Variants in SORT1 observed in about 807,000 individuals in gnomAD.
SORT1 encodes the protein sortilin.
In SORT1, 39 loss-of-function variants were observed where a neutral mutation model predicts 101.7. The ratio of observed to expected loss-of-function variants is 0.38; its 90% CI spans 0.30 to 0.50. The LOEUF is 0.50. Among genes scored for constraint, SORT1 ranks in the 20% least tolerant of loss-of-function variants. SORT1 has a pLI of 0.90. For synonymous variants in SORT1, 396 were observed against 393.7 expected, an observed-to-expected ratio of 1.01 and a Z score of -0.07; for missense variants, 878 against 1,040.4, an observed-to-expected ratio of 0.84 and a Z score of 2.15.
At chr1:109,318,495 T>TGGG (rs1647397577) in intron 15 of SORT1, among the ~76,000 whole-genome samples, 1 of 151,962 alleles carries the variant, frequency 6.6e-6, no homozygotes, top group Admixed American at 6.6e-5. Flanking sequence ...TCAGGCCTGG[T>TGGG]GGGGGTAGGA....
At chr1:109,320,944 C>G (rs1647587057) in intron 15 of SORT1, among the ~76,000 whole-genome samples, 2 of 151,968 alleles carry the variant, frequency 1.3e-5, no homozygotes, top group Non-Finnish European at 2.9e-5. Flanking sequence ...TTGTGAGTAC[C>G]CTTCTCACTC....
intron 3 of SORT1, among the ~76,000 whole-genome samples, chr1:109,365,301 C>T (rs1651005791): frequency 6.6e-6 from 1 of 152,192 alleles, no homozygotes; most frequent in African/African-American, 2.4e-5. Flanking sequence ...ATAGCTACTG[C>T]AGCCTCAACC....
Position 109,345,830 on chromosome 1 carries a change from C to G in SORT1, c.884G>C (p.Ser295Thr). The G allele has an allele frequency of 6.2e-7, 1 of 1,613,624 alleles. No individual in the cohort carries two copies. Among genetic ancestry groups the G allele is most frequent in the Non-Finnish European group, 8.5e-7 (1 of 1,179,574 alleles). Residue 295 changes from serine to threonine, a missense_variant, in exon 8 of 20, where the codon AGC becomes ACC. Ser to Thr is a moderately conservative substitution (Grantham distance 58). Coordinates refer to ENST00000256637, the MANE Select transcript of SORT1 (RefSeq NM_002959.7). Reference protein sequence around the residue: ...ELWRTSDLGKSFKTIGVKIYS... With the variant: ...ELWRTSDLGKTFKTIGVKIYS... ...GATTTTCACACCAATAGTTTTGAAG[C>G]TTTTTCCCAAGTCTGAAGTTCTCCA...
In SORT1 at chr1:109,311,712, T is replaced by A. The variant is rs1481693910; in HGVS notation, c.*2331A>T. The A allele has an allele frequency of 2.0e-5, 3 of 152,224 alleles. No homozygotes were observed. The highest frequency in any genetic ancestry group is 1.3e-4 in the Admixed American group (2 of 15,288). 9.4% of individuals were successfully genotyped at this position (152,224 alleles called of 1,614,324 possible). On this transcript the variant is annotated 3_prime_UTR_variant, in exon 20 of 20. Coordinates refer to ENST00000256637, the MANE Select transcript of SORT1 (RefSeq NM_002959.7). ...AGCCATGAAAGACAGGAAAATACAA[T>A]TTTCTGTTCACCAAGGTGGCAAAAA...
At chr1:109,323,734 G>T (rs975970931) in intron 14 of SORT1, among the ~76,000 whole-genome samples, 3 of 152,192 alleles carry the variant, frequency 2.0e-5, no homozygotes, top group Non-Finnish European at 2.9e-5. Context: ...AAAGACAGTG[G>T]ATTAGGTTTT....
chr1:109,346,415 G>T (rs1268913891), intron 7 of SORT1, among the ~76,000 whole-genome samples: 1 of 151,578 alleles, frequency 6.6e-6, no homozygotes, highest in Admixed American at 6.6e-5. Flanking sequence ...AAAGGTAAGA[G>T]ATTACTTAAT....
At chr1:109,341,254 T>G (rs1012013568) in intron 9 of SORT1, among the ~76,000 whole-genome samples, 4 of 152,226 alleles carry the variant, frequency 2.6e-5, no homozygotes, top group African/African-American at 9.6e-5. Context: ...AGGATCAATT[T>G]GTAAGATTTC....
At position 109,380,807 on chromosome 1, in the gene SORT1, T is replaced by C. The variant is rs1652175562; in HGVS notation, c.307-11218A>G. 4.0e-5 allele frequency among the ~76,000 whole-genome samples: 3 copies of C among 74,940 alleles called. No individual in the cohort carries two copies. In the South Asian group the frequency reaches 1.7e-3, roughly 42 times the overall value. The allele number at this position is 74,940 out of a possible 152,430, so 49.2% of individuals were successfully genotyped here. On this transcript the variant is annotated intron_variant, in intron 1 of 19. Transcript: ENST00000256637. ...GCCTGGGCAACATGGCAAAACCCTG[T>C]CGCCACAAAAAAAAAAAAAAAAAAA...
intron 1 of SORT1, among the ~76,000 whole-genome samples, chr1:109,382,837 C>T (rs984482727): frequency 3.3e-5 from 5 of 152,102 alleles, no homozygotes; most frequent in Non-Finnish European, 5.9e-5. Flanking sequence ...ACCTTGAAAA[C>T]GGATGATATA....
chr1:109,383,820 T>C (rs1652402812), intron 1 of SORT1, among the ~76,000 whole-genome samples: 1 of 152,188 alleles, frequency 6.6e-6, no homozygotes, highest in African/African-American at 2.4e-5. Context: ...ATGAAAAAAT[T>C]AACTACAAAA....
chr1:109,346,391 T>A (rs2101589786), intron 7 of SORT1, among the ~76,000 whole-genome samples: 1 of 151,982 alleles, frequency 6.6e-6, no homozygotes, highest in African/African-American at 2.4e-5. Context: ...CATTTCAGAT[T>A]TTATGCTCAA....
chr1:109,327,078 C>A lies in SORT1; in HGVS notation c.1557G>T (p.Leu519=). 1 of 1,613,242 alleles carries A rather than the reference C, an allele frequency of 6.2e-7. No individual in the cohort carries two copies. The change falls in exon 13 of 20, where the codon CTG becomes CTT. Residue 519 remains leucine, a synonymous_variant. Transcript: ENST00000256637. ...DDGGYSWTKM[L]EGPHYYTILD... ...GGATGGTGTAATAGTGGGGTCCTTC[C>A]AGCATCTTTGTCCAGGAGTAACCCC... is the stretch of plus-strand genomic sequence containing the variant.
chr1:109,380,556 CA>C (rs1173961819), intron 1 of SORT1, among the ~76,000 whole-genome samples: 4 of 151,780 alleles, frequency 2.6e-5, no homozygotes, highest in Non-Finnish European at 4.4e-5. Flanking sequence ...AAAGGGTTTT[CA>C]AATCAGTAGG....
chr1:109,345,976 G>T, intron 7 of SORT1, 95 bp from the exon 8 acceptor site: 1 of 1,075,022 alleles, frequency 9.3e-7, no homozygotes, highest in Non-Finnish European at 1.4e-6. Context: ...TATAGCTAAA[G>T]CATTTTAAAT....
intron 8 of SORT1, among the ~76,000 whole-genome samples, chr1:109,342,436 T>C (rs1393028221): frequency 6.6e-6 from 1 of 152,202 alleles, no homozygotes; most frequent in Non-Finnish European, 1.5e-5. Context: ...ATAGTCTTGG[T>C]CTCTGATAGT....
intron 17 of SORT1, 106 bp downstream of exon 17, chr1:109,316,744 G>A (rs894364320): frequency 2.7e-6 from 2 of 733,656 alleles, no homozygotes; most frequent in Non-Finnish European, 2.3e-6. Flanking sequence ...GAAGTAGTTT[G>A]ACCACTTTTT....
intron 1 of SORT1, among the ~76,000 whole-genome samples, chr1:109,380,318 G>T (rs796220647): frequency 6.6e-6 from 1 of 151,892 alleles, no homozygotes; most frequent in Non-Finnish European, 1.5e-5. Context: ...AAGTATAAGC[G>T]AATATTTTTA....
At position 109,327,054 on chromosome 1, in the gene SORT1, G is replaced by A. The variant is rs886739441; in HGVS notation, c.1581C>T (p.Ile527=). 1 of 1,612,880 alleles carries A rather than the reference G, an allele frequency of 6.2e-7. No individual in the cohort carries two copies. The highest frequency in any genetic ancestry group is 1.3e-5 in the African/African-American group (1 of 74,880). ...KMLEGPHYYT[I]LDSGGIIVAI... ...CCACAATGATGCCTCCAGAATCCAG[G>A]ATGGTGTAATAGTGGGGTCCTTCCA... The change falls in exon 13 of 20, where the codon ATC becomes ATT. Residue 527 remains isoleucine (I), a synonymous_variant. Transcript: ENST00000256637.
At chr1:109,361,532 G>T (rs1309657901) in intron 3 of SORT1, among the ~76,000 whole-genome samples, 1 of 152,098 alleles carries the variant, frequency 6.6e-6, no homozygotes, top group East Asian at 1.9e-4. Context: ...TAACAGCTAT[G>T]TAGGCTTTTT....
Sources: gnomAD v4.1 joint callset for allele counts (sites outside exome capture counted in the v4.1 genomes callset) on GRCh38, gnomAD v4.1.1 for gene constraint, MANE v1.5 for transcripts, NCBI Gene and HGNC (gene_info 2026-07-23, HGNC 2026-07-21) for gene names.